The following KANK1 variants were observed in gnomAD, a reference collection of about 807,000 sequenced individuals.
The protein encoded by KANK1 is KN motif and ankyrin repeat domain-containing protein 1.
A neutral mutation model predicts 106.2 loss-of-function variants in KANK1; 109 were observed. The ratio of observed to expected loss-of-function variants is 1.03; its 90% CI spans 0.88 to 1.20. KANK1 has a LOEUF of 1.20. Ranked by LOEUF, KANK1 falls within the 50% of genes most tolerant of loss-of-function variation. The pLI is 0.00. For missense variants in KANK1, 2,399 were observed against 1,710.7 expected, an observed-to-expected ratio of 1.40 and a Z score of -7.10; for synonymous variants, 873 against 652.2, an observed-to-expected ratio of 1.34 and a Z score of -5.16.
rs139264244 is a variant in KANK1, at chr9:685,356, G to A, written c.37+8347G>A. Among the ~76,000 whole-genome samples the A allele has an allele frequency of 5.3e-5, 8 of 151,804 alleles. No homozygotes were observed. The East Asian group carries it at 1.4e-3, about 26-fold the overall frequency. On this transcript the variant is annotated intron_variant, in intron 2 of 11. Transcript: ENST00000382297. ...AGATTTCTTACCCTAGTTAAAGCAA[G>A]CCATGGCTGAAACTCAGATTAAACA...
chr9:625,806 TGTACTTAAAGTCTGTG>T (rs1372788677), intron 1 of KANK1, among the ~76,000 whole-genome samples: 1 of 152,198 alleles, frequency 6.6e-6, no homozygotes, highest in Non-Finnish European at 1.5e-5. Flanking sequence ...TGTTGCACTG[TGTACTTAAAGTCTGTG>T]ACAGTTTAGC....
rs115334716 is a variant in KANK1 at position 705,599 on chromosome 9, T to G, written c.38-5205T>G. 3.8e-3 allele frequency among the ~76,000 whole-genome samples: 568 copies of G among 148,382 alleles called. 3 individuals are homozygous for G. The highest frequency in any genetic ancestry group is 0.013 in the African/African-American group (505 of 40,350). On this transcript the variant is annotated intron_variant, in intron 2 of 11. Coordinates refer to ENST00000382297, the MANE Select transcript of KANK1 (RefSeq NM_015158.5). ...TGAAAAAAAAAATGTATATTTTTTT[T>G]GGGGGGGTGGGGGCGGAGATGAAGT...
intron 1 of KANK1, among the ~76,000 whole-genome samples, chr9:592,907 C>T (rs1226785495): frequency 2.0e-5 from 3 of 151,778 alleles, no homozygotes; most frequent in African/African-American, 7.3e-5. Flanking sequence ...GCAGAAACTG[C>T]TCATTGACTT....
intron 2 of KANK1, among the ~76,000 whole-genome samples, chr9:705,889 G>C (rs888287599): frequency 5.3e-5 from 8 of 152,006 alleles, no homozygotes; most frequent in African/African-American, 1.9e-4. Flanking sequence ...GCATGAGCCA[G>C]CGTGCTCTCC....
intron 1 of KANK1, among the ~76,000 whole-genome samples, chr9:593,918 C>G (rs1416971648): frequency 1.3e-5 from 2 of 151,934 alleles, no homozygotes; most frequent in African/African-American, 2.4e-5. Context: ...TTCTGCTTCC[C>G]TCCCCCAGCC....
intron 3 of KANK1, among the ~76,000 whole-genome samples, chr9:497,778 G>A (rs113512440): frequency 0.019 from 2,851 of 151,870 alleles, 86 homozygotes; most frequent in African/African-American, 0.063. Context: ...AGTTGAGCCC[G>A]GGAGGTCAAG....
At chr9:551,447 C>T (rs959172165) in intron 1 of KANK1, among the ~76,000 whole-genome samples, 3 of 152,054 alleles carry the variant, frequency 2.0e-5, no homozygotes, top group African/African-American at 7.2e-5. Flanking sequence ...TTGATTCTGC[C>T]TTTGGAAACC....
At chr9:579,374 A>G (rs1327181104) in intron 1 of KANK1, among the ~76,000 whole-genome samples, 1 of 152,178 alleles carries the variant, frequency 6.6e-6, no homozygotes, top group Non-Finnish European at 1.5e-5. Context: ...CCCAAAATCC[A>G]GGATCTTCAG....
intron 2 of KANK1, chr9:693,823 G>C: frequency 1.0e-6 from 1 of 984,986 alleles, no homozygotes; most frequent in East Asian, 1.1e-4. Context: ...GAGAGGAGGA[G>C]AGCATGATGT....
chr9:608,235 C>G (rs1829779864), intron 1 of KANK1, among the ~76,000 whole-genome samples: 1 of 150,492 alleles, frequency 6.6e-6, no homozygotes, highest in Non-Finnish European at 1.5e-5. Flanking sequence ...GACGGGGTTT[C>G]ACCTTGTTAG....
chr9:591,455 C>G (rs191952601), intron 1 of KANK1, among the ~76,000 whole-genome samples: 1 of 151,818 alleles, frequency 6.6e-6, no homozygotes, highest in East Asian at 1.9e-4. Flanking sequence ...CCTGCAGGGC[C>G]TGGCACGATC....
intron 1 of KANK1, among the ~76,000 whole-genome samples, chr9:523,122 T>C (rs1173991765): frequency 2.6e-5 from 4 of 151,548 alleles, no homozygotes; most frequent in Non-Finnish European, 5.9e-5. Context: ...GCTCTGACTT[T>C]TTTCTCCAGT....
intron 4 of KANK1, chr9:730,508 A>G (rs1183876932): frequency 2.3e-5 from 10 of 427,844 alleles, no homozygotes; most frequent in East Asian, 1.0e-4. Context: ...CCTGGCCAAC[A>G]TGGTGAAACC....
At chr9:479,004 G>A (rs983456701) in intron 3 of KANK1, among the ~76,000 whole-genome samples, 13 of 149,580 alleles carry the variant, frequency 8.7e-5, no homozygotes, top group Admixed American at 1.3e-4. Context: ...TGCAACCTTC[G>A]CCTCCTGGGT....
intron 3 of KANK1, among the ~76,000 whole-genome samples, chr9:486,964 A>T (rs771336443): frequency 1.3e-5 from 2 of 152,236 alleles, no homozygotes; most frequent in Non-Finnish European, 2.9e-5. Flanking sequence ...GATATTTAAT[A>T]TGATATGGTA....
chr9:644,936 C>G (rs10975554), intron 1 of KANK1, among the ~76,000 whole-genome samples: 30,736 of 150,180 alleles, frequency 0.2, 3,805 homozygotes, highest in East Asian at 0.32. Flanking sequence ...GCCTGGGCAA[C>G]ATGGTGAAAC....
intron 1 of KANK1, among the ~76,000 whole-genome samples, chr9:548,899 T>G (rs901943489): frequency 6.6e-6 from 1 of 152,026 alleles, no homozygotes; most frequent in Non-Finnish European, 1.5e-5. Context: ...GGCAGCATAG[T>G]AACACCCTAT....
rs531324924 is a variant in KANK1, at chr9:628,493, G to T, written c.-83-48397G>T. Among the ~76,000 whole-genome samples the T allele has an allele frequency of 7.2e-5, 11 of 152,298 alleles. 1 individual carries two copies. The South Asian group carries it at 2.1e-3, about 29-fold the overall frequency. Reference sequence around the variant, plus strand: ...CAGTATACATCTTAAAGTTGCCATGGAAGTTCATTTCTTCAGTGTCTGCCT... The same window carrying T: ...CAGTATACATCTTAAAGTTGCCATGTAAGTTCATTTCTTCAGTGTCTGCCT... On this transcript the variant is annotated intron_variant, in intron 1 of 11. Coordinates refer to ENST00000382297, the MANE Select transcript of KANK1 (RefSeq NM_015158.5).
At chr9:503,622 T>C (rs1212840056), upstream of KANK1, among the ~76,000 whole-genome samples, 1 of 152,146 alleles carries the variant, frequency 6.6e-6, no homozygotes, top group African/African-American at 2.4e-5. Flanking sequence ...CTAGAGAGCT[T>C]GGGGGTGAGG....
Sources: allele counts gnomAD v4.1 joint callset (sites outside exome capture counted in the v4.1 genomes callset), GRCh38; gene constraint gnomAD v4.1.1; transcripts MANE v1.5; gene names NCBI Gene and HGNC (gene_info 2026-07-23, HGNC 2026-07-21).